RASSF3: variants seen among roughly 807,000 people sequenced by gnomAD.
RASSF3 encodes ras association domain-containing protein 3.
RASSF3 carries 19 observed loss-of-function variants against 19.9 expected under a neutral mutation model. The observed-to-expected ratio is 0.96, with a 90% CI of 0.67 to 1.40. The LOEUF (loss-of-function observed/expected upper bound fraction) is 1.40, where lower values mean the gene tolerates loss of function less well. RASSF3 is among the 40% of genes most tolerant of loss of function. The pLI, the probability that RASSF3 is intolerant of heterozygous loss-of-function variation, is 0.00. For missense variants in RASSF3, 306 were observed against 289.8 expected (o/e 1.06, Z -0.41); for synonymous variants, 110 against 104.2 (o/e 1.06, Z -0.34).
intron 1 of RASSF3, among the ~76,000 whole-genome samples, chr12:64,624,958 C>T (rs951300105): frequency 3.9e-5 from 6 of 152,150 alleles, no homozygotes; most frequent in African/African-American, 1.4e-4. Context: ...TGAGCCACCG[C>T]GCCTGGCCAG....
intron 1 of RASSF3, among the ~76,000 whole-genome samples, chr12:64,634,592 G>A (rs910610177): frequency 1.3e-5 from 2 of 151,712 alleles, no homozygotes; most frequent in Non-Finnish European, 2.9e-5. Context: ...GTTTGTTTTT[G>A]CTTCAATTTT....
At chr12:64,644,814 A>T (rs138033803) in intron 1 of RASSF3, among the ~76,000 whole-genome samples, 2 of 152,350 alleles carry the variant, frequency 1.3e-5, no homozygotes, top group East Asian at 3.9e-4. Context: ...TGTTACTTCC[A>T]GGATACCTGG....
At chr12:64,683,242 G>A (rs1229253650) in intron 1 of RASSF3, among the ~76,000 whole-genome samples, 1 of 152,122 alleles carries the variant, frequency 6.6e-6, no homozygotes, top group Non-Finnish European at 1.5e-5. Context: ...ACTGAAACTG[G>A]CATAATAATG....
intron 1 of RASSF3, among the ~76,000 whole-genome samples, chr12:64,616,592 C>T (rs1208169767): frequency 6.6e-6 from 1 of 152,210 alleles, no homozygotes; most frequent in Non-Finnish European, 1.5e-5. Flanking sequence ...AGCAGTCCCT[C>T]TTCAGAGGGG....
chr12:64,570,807 G>A (rs1869505333), intron 2 of RASSF3, among the ~76,000 whole-genome samples: 1 of 152,186 alleles, frequency 6.6e-6, no homozygotes, highest in Non-Finnish European at 1.5e-5. Context: ...AAACATGAGG[G>A]TTCTGTCATC....
chr12:64,615,086 G>A (rs1870506783), intron 1 of RASSF3, among the ~76,000 whole-genome samples: 1 of 152,214 alleles, frequency 6.6e-6, no homozygotes, highest in South Asian at 2.1e-4. Flanking sequence ...TTGTGGATTC[G>A]CTGTGTTTCA....
At chr12:64,584,696 T>C (rs1191242904) in intron 2 of RASSF3, among the ~76,000 whole-genome samples, 2 of 151,888 alleles carry the variant, frequency 1.3e-5, no homozygotes, top group East Asian at 1.9e-4. Flanking sequence ...CGGTCACCCT[T>C]GGGAGGTGGA....
At chr12:64,586,255 C>T (rs1286894061) in intron 2 of RASSF3, among the ~76,000 whole-genome samples, 4 of 149,244 alleles carry the variant, frequency 2.7e-5, no homozygotes, top group Non-Finnish European at 4.4e-5. Flanking sequence ...ACCCAGGAGG[C>T]GGAGGCGGCA....
At chr12:64,672,557 TC>T (rs1397467461) in intron 1 of RASSF3, among the ~76,000 whole-genome samples, 2 of 152,134 alleles carry the variant, frequency 1.3e-5, no homozygotes, top group African/African-American at 4.8e-5. Flanking sequence ...AGGATCTTGC[TC>T]TGTTGCCCAG....
chr12:64,543,530 C>CCCCGCCCCCCTCCCTCCCCCCCTCCCCT (rs1210832446), downstream of RASSF3, among the ~76,000 whole-genome samples: 1 of 62,030 alleles, frequency 1.6e-5, no homozygotes, highest in Non-Finnish European at 4.1e-5. Flanking sequence ...CCCCGCTCTC[C>CCCCGCCCCCCTCCCTCCCCCCCTCCCCT]CCCGCCCCCC....
chr12:64,610,467 G>C (rs1381915027), upstream of RASSF3: 1 of 239,316 alleles, frequency 4.2e-6, no homozygotes, highest in Non-Finnish European at 7.9e-6. Flanking sequence ...GCCTGGCGGG[G>C]AGGCGGCAGG....
rs1437514246 is a variant in RASSF3 at position 64,614,756 on chromosome 12, G to A, written c.111+4013G>A. Among the ~76,000 whole-genome samples, 3 of 149,322 alleles carry A rather than the reference G, an allele frequency of 2.0e-5. No homozygotes were observed. The South Asian group carries it at 6.3e-4, about 32-fold the overall frequency. ...TGTGTCACCCAGACTGGAGTGCAGT[G>A]GCAGGATCTTGGCTCACTGCAACCT... On this transcript the variant is annotated intron_variant, in intron 1 of 4. Transcript: ENST00000542104.
chr12:64,529,470 A>G (rs1440891628), upstream of RASSF3, among the ~76,000 whole-genome samples: 1 of 152,194 alleles, frequency 6.6e-6, no homozygotes, highest in African/African-American at 2.4e-5. Flanking sequence ...ATCAGAGCCA[A>G]TCCTGGACTC....
At chr12:64,555,047 C>A (rs1043042111) in intron 2 of RASSF3, among the ~76,000 whole-genome samples, 1 of 151,824 alleles carries the variant, frequency 6.6e-6, no homozygotes, top group Non-Finnish European at 1.5e-5. Flanking sequence ...AGTCCAAGAC[C>A]AGCCTGGCCA....
chr12:64,685,032 G>A, intron 2 of RASSF3, 138 bp downstream of exon 2: 1 of 544,864 alleles, frequency 1.8e-6, no homozygotes, highest in Non-Finnish European at 3.2e-6. Context: ...ACAGGAAAGT[G>A]GAATATTTCT....
At chr12:64,534,338 A>G (rs1471449754) in intron 1 of RASSF3, among the ~76,000 whole-genome samples, 2 of 151,786 alleles carry the variant, frequency 1.3e-5, no homozygotes, top group Non-Finnish European at 2.9e-5. Context: ...AACAACAATA[A>G]CAAAAAACTA....
At chr12:64,550,685 G>A (rs1459698739) in intron 2 of RASSF3, among the ~76,000 whole-genome samples, 1 of 151,684 alleles carries the variant, frequency 6.6e-6, no homozygotes, top group East Asian at 1.9e-4. Context: ...GAGGCCAGGA[G>A]TGGTGGTGGG....
intron 2 of RASSF3, among the ~76,000 whole-genome samples, chr12:64,593,483 A>T (rs1238041652): frequency 2.6e-5 from 4 of 152,098 alleles, no homozygotes; most frequent in Non-Finnish European, 5.9e-5. Flanking sequence ...AGCCTCCCAA[A>T]GTGCTGGGAT....
chr12:64,665,412 A>G (rs1245183), intron 1 of RASSF3, among the ~76,000 whole-genome samples: 43,504 of 152,128 alleles, frequency 0.29, 6,752 homozygotes, highest in Non-Finnish European at 0.36. Context: ...ATTGATACAC[A>G]TTAATTTTTA....
Sources: gnomAD v4.1 joint callset for allele counts (sites outside exome capture counted in the v4.1 genomes callset) on GRCh38, gnomAD v4.1.1 for gene constraint, MANE v1.5 for transcripts, NCBI Gene and HGNC (gene_info 2026-07-23, HGNC 2026-07-21) for gene names.